SGCZ: variants seen among roughly 807,000 people sequenced by gnomAD.
The protein encoded by SGCZ is zeta-sarcoglycan.
In SGCZ, 40 loss-of-function variants were observed where a neutral mutation model predicts 41.3. The observed-to-expected ratio is 0.97, with a 90% CI of 0.75 to 1.26. SGCZ has a LOEUF of 1.26. Among genes scored for constraint, SGCZ ranks in the 50% most tolerant of loss-of-function variants. The probability of loss-of-function intolerance (pLI) is 0.00; values close to 1 mark genes in which losing one functional copy is unlikely to be tolerated. For synonymous variants in SGCZ, 206 were observed against 137.5 expected (o/e 1.50, Z -3.49); for missense variants, 552 against 369.8 (o/e 1.49, Z -4.04).
chr8:14,666,828 A>T (rs1279775032), intron 1 of SGCZ, among the ~76,000 whole-genome samples: 1 of 152,006 alleles, frequency 6.6e-6, no homozygotes, highest in Non-Finnish European at 1.5e-5. Context: ...TGTTTGGGGG[A>T]GTGAGGTAGT....
intron 1 of SGCZ, among the ~76,000 whole-genome samples, chr8:15,196,523 G>C (rs867447264): frequency 1.7e-4 from 26 of 151,802 alleles, no homozygotes; most frequent in African/African-American, 5.8e-4. Flanking sequence ...TTAAAACTAA[G>C]ATTGTATTAT....
intron 1 of SGCZ, among the ~76,000 whole-genome samples, chr8:15,174,666 G>C (rs941335941): frequency 1.3e-5 from 2 of 152,106 alleles, no homozygotes; most frequent in East Asian, 1.9e-4. Context: ...AACATTAATA[G>C]TGTATAAACG....
chr8:14,582,970 C>G (rs549500576), intron 1 of SGCZ, among the ~76,000 whole-genome samples: 2 of 151,956 alleles, frequency 1.3e-5, no homozygotes, highest in South Asian at 4.2e-4. Flanking sequence ...AATAAAAATA[C>G]GTGTGCATGT....
intron 1 of SGCZ, among the ~76,000 whole-genome samples, chr8:14,652,689 A>G (rs1807444332): frequency 6.6e-6 from 1 of 152,130 alleles, no homozygotes; most frequent in Admixed American, 6.5e-5. Context: ...TATAATATTA[A>G]CACTAAAATT....
intron 1 of SGCZ, among the ~76,000 whole-genome samples, chr8:14,776,999 C>T (rs960988056): frequency 1.3e-5 from 2 of 152,132 alleles, no homozygotes; most frequent in South Asian, 2.1e-4. Context: ...GTTCAGACAG[C>T]ATCAGAAAGC....
intron 4 of SGCZ, among the ~76,000 whole-genome samples, chr8:14,231,689 T>C (rs1563200432): frequency 6.6e-6 from 1 of 152,176 alleles, no homozygotes; most frequent in African/African-American, 2.4e-5. Context: ...AGAGGATTAC[T>C]AGGCTCAATG....
At chr8:14,886,030 T>TATATATATATATAC (rs1554517469) in intron 1 of SGCZ, among the ~76,000 whole-genome samples, 3 of 98,942 alleles carry the variant, frequency 3.0e-5, no homozygotes, top group Non-Finnish European at 4.1e-5. Flanking sequence ...TATATATATA[T>TATATATATATATAC]ATATAAAATT....
chr8:14,105,744 C>T (rs1283517168), intron 6 of SGCZ, among the ~76,000 whole-genome samples: 5 of 151,868 alleles, frequency 3.3e-5, no homozygotes, highest in African/African-American at 1.2e-4. Flanking sequence ...CCAGAAACAC[C>T]ATACACTAGA....
At chr8:14,759,963 A>G (rs1029141689) in intron 1 of SGCZ, among the ~76,000 whole-genome samples, 13 of 152,188 alleles carry the variant, frequency 8.5e-5, no homozygotes, top group African/African-American at 2.9e-4. Flanking sequence ...TTGAAATTGT[A>G]AAGATTTTTC....
At chr8:14,414,238 T>C (rs2117285712) in intron 2 of SGCZ, among the ~76,000 whole-genome samples, 1 of 151,880 alleles carries the variant, frequency 6.6e-6, no homozygotes, top group East Asian at 1.9e-4. Flanking sequence ...GAGAGACATC[T>C]TTTAAAGCAA....
intron 1 of SGCZ, among the ~76,000 whole-genome samples, chr8:14,603,075 C>G (rs376806526): frequency 6.6e-6 from 1 of 152,114 alleles, no homozygotes; most frequent in Non-Finnish European, 1.5e-5. Flanking sequence ...ACTTGACATA[C>G]GCCGGGGGCA....
chr8:14,759,707 T>C (rs371201534), intron 1 of SGCZ, among the ~76,000 whole-genome samples: 1 of 152,168 alleles, frequency 6.6e-6, no homozygotes, highest in Non-Finnish European at 1.5e-5. Context: ...CCCTTATGAA[T>C]TGGACCAGAG....
At chr8:14,968,747 A>G (rs1801198345) in intron 1 of SGCZ, among the ~76,000 whole-genome samples, 1 of 152,094 alleles carries the variant, frequency 6.6e-6, no homozygotes, top group East Asian at 1.9e-4. Context: ...ATAACTTCTT[A>G]ATTGTGTGGT....
intron 4 of SGCZ, among the ~76,000 whole-genome samples, chr8:14,192,310 G>C (rs148851860): frequency 4.6e-5 from 7 of 152,046 alleles, no homozygotes; most frequent in Admixed American, 2.6e-4. Flanking sequence ...AATGTTAATA[G>C]TGGTCAGCTG....
At chr8:15,198,609 T>C (rs1386531328) in intron 1 of SGCZ, among the ~76,000 whole-genome samples, 2 of 152,208 alleles carry the variant, frequency 1.3e-5, no homozygotes, top group African/African-American at 4.8e-5. Context: ...AACTCTAAGA[T>C]GTTAACTGTA....
intron 1 of SGCZ, among the ~76,000 whole-genome samples, chr8:14,863,887 C>G (rs1005550282): frequency 1.3e-5 from 2 of 152,060 alleles, no homozygotes; most frequent in African/African-American, 4.8e-5. Context: ...TGTGATCTCT[C>G]TTTAGATGAA....
chr8:14,305,168 T>C (rs1801310952), intron 3 of SGCZ, among the ~76,000 whole-genome samples: 1 of 152,168 alleles, frequency 6.6e-6, no homozygotes, highest in Non-Finnish European at 1.5e-5. Context: ...AGTCAAATGT[T>C]AAGTCTTTAT....
At chr8:14,640,927 T>C (rs1354451781) in intron 1 of SGCZ, among the ~76,000 whole-genome samples, 1 of 151,724 alleles carries the variant, frequency 6.6e-6, no homozygotes, top group African/African-American at 2.4e-5. Flanking sequence ...TGGTTATGAA[T>C]AACTGCAAGT....
intron 1 of SGCZ, among the ~76,000 whole-genome samples, chr8:14,927,008 A>C (rs185582812): frequency 6.6e-6 from 1 of 151,936 alleles, no homozygotes; most frequent in African/African-American, 2.4e-5. Context: ...TCACATTCCT[A>C]TGGACACAGT....
Sources: allele counts gnomAD v4.1 joint callset (sites outside exome capture counted in the v4.1 genomes callset), GRCh38; gene constraint gnomAD v4.1.1; transcripts MANE v1.5; gene names NCBI Gene and HGNC (gene_info 2026-07-23, HGNC 2026-07-21).